The following SLC24A3 variants were observed in gnomAD, a reference collection of about 807,000 sequenced individuals.
SLC24A3 encodes the protein solute carrier family 24 member 3.
SLC24A3 carries 28 observed loss-of-function variants against 75.8 expected under a neutral mutation model. The observed-to-expected ratio is 0.37, with a 90% CI of 0.27 to 0.51. The LOEUF is 0.51. Among genes scored for constraint, SLC24A3 ranks in the 20% least tolerant of loss-of-function variants. The pLI, the probability that SLC24A3 is intolerant of heterozygous loss-of-function variation, is 0.94. For missense variants in SLC24A3, 663 were observed against 847.8 expected (o/e 0.78, Z 2.71); for synonymous variants, 372 against 334.1 (o/e 1.11, Z -1.24).
chr20:19,615,182 A>G (rs987758157), intron 6 of SLC24A3, among the ~76,000 whole-genome samples: 2 of 152,120 alleles, frequency 1.3e-5, no homozygotes, highest in Non-Finnish European at 2.9e-5. Context: ...AAAAATATAT[A>G]TATCATGGAG....
intron 2 of SLC24A3, among the ~76,000 whole-genome samples, chr20:19,348,952 A>T (rs1985500018): frequency 6.6e-6 from 1 of 151,998 alleles, no homozygotes; most frequent in African/African-American, 2.4e-5. Context: ...CTTCCACGTG[A>T]CACCCAGCAT....
At chr20:19,704,077 G>A (rs1181729547) in intron 15 of SLC24A3, among the ~76,000 whole-genome samples, 3 of 152,120 alleles carry the variant, frequency 2.0e-5, no homozygotes, top group Non-Finnish European at 4.4e-5. Context: ...GCTCCTCTAT[G>A]CATTTATTAT....
In SLC24A3 at chr20:19,658,181, A is replaced by G. The variant is rs778135991; in HGVS notation, c.687+4045A>G. On this transcript the variant is annotated intron_variant, in intron 7 of 16. Transcript: ENST00000328041. ...ACCTCAGCAGAGGGGCCCTGGAGACAAACCATGGGGCCTGGAGACCCACAG... is the reference window on the plus strand; with the variant it reads ...ACCTCAGCAGAGGGGCCCTGGAGACGAACCATGGGGCCTGGAGACCCACAG... Among the ~76,000 whole-genome samples the G allele has an allele frequency of 7.2e-5, 11 of 152,164 alleles. 1 individual carries two copies. The highest frequency in any genetic ancestry group is 2.6e-4 in the Admixed American group (4 of 15,278).
At chr20:19,640,108 C>G (rs2032057905) in intron 6 of SLC24A3, among the ~76,000 whole-genome samples, 1 of 152,252 alleles carries the variant, frequency 6.6e-6, no homozygotes, top group Non-Finnish European at 1.5e-5. Flanking sequence ...CTGAAGGGCT[C>G]CTCAAGTGCC....
At chr20:19,666,940 C>A (rs1445119960) in intron 8 of SLC24A3, among the ~76,000 whole-genome samples, 2 of 152,124 alleles carry the variant, frequency 1.3e-5, no homozygotes, top group Admixed American at 1.3e-4. Flanking sequence ...TACATATTTT[C>A]CGAATATTTG....
chr20:19,676,432 T>C (rs1039114399), intron 9 of SLC24A3, among the ~76,000 whole-genome samples: 3 of 152,216 alleles, frequency 2.0e-5, no homozygotes. Context: ...TCTGCATAAA[T>C]TCTGGTCCTA....
chr20:19,394,095 A>G lies in SLC24A3; in HGVS notation c.271+113008A>G, dbSNP rs544400499. Among the ~76,000 whole-genome samples the G allele has an allele frequency of 5.3e-5, 8 of 152,360 alleles. No individual in the cohort carries two copies. In the South Asian group the frequency reaches 8.3e-4, roughly 16 times the overall value. The stretch of plus-strand genomic sequence containing the variant: ...TATTTTCAACAAGAGTTCCAAGACT[A>G]TTCAATGGGGAAAGGACAGTCTCTT... On this transcript the variant is annotated intron_variant, in intron 2 of 16. Transcript: ENST00000328041.
chr20:19,456,038 C>T (rs951020357), intron 2 of SLC24A3, among the ~76,000 whole-genome samples: 2 of 152,180 alleles, frequency 1.3e-5, no homozygotes. Context: ...CCCAGGAAGT[C>T]CTCTGTGCTG....
At chr20:19,624,879 A>C (rs1210616811) in intron 6 of SLC24A3, among the ~76,000 whole-genome samples, 2 of 152,184 alleles carry the variant, frequency 1.3e-5, no homozygotes, top group Admixed American at 6.5e-5. Context: ...AACTATTCCA[A>C]GATTTATTGA....
Position 19,525,169 on chromosome 20 carries a change from G to A in SLC24A3, c.348+9605G>A, listed in dbSNP as rs567752757. On this transcript the variant is annotated intron_variant, in intron 3 of 16. Coordinates refer to ENST00000328041, the MANE Select transcript of SLC24A3 (RefSeq NM_020689.4). ...TATATAGTAGAGACTCCAGATAGGA[G>A]TTTCAAGCTTAAGAAGAATCTGATC... Among the ~76,000 whole-genome samples the A allele has an allele frequency of 1.1e-4, 17 of 152,276 alleles. No homozygotes were observed. The South Asian group carries it at 3.3e-3, about 30-fold the overall frequency.
intron 4 of SLC24A3, among the ~76,000 whole-genome samples, chr20:19,582,151 A>G (rs2031226623): frequency 6.6e-6 from 1 of 152,236 alleles, no homozygotes; most frequent in Admixed American, 6.5e-5. Flanking sequence ...GAGACGTGGA[A>G]TCAGTTCTCC....
chr20:19,630,974 C>T (rs183961179), intron 6 of SLC24A3, among the ~76,000 whole-genome samples: 1 of 152,206 alleles, frequency 6.6e-6, no homozygotes, highest in African/African-American at 2.4e-5. Flanking sequence ...TTAACAACCA[C>T]CCTCATTATG....
At chr20:19,646,839 C>T (rs1399128002) in intron 6 of SLC24A3, among the ~76,000 whole-genome samples, 4 of 94,264 alleles carry the variant, frequency 4.2e-5, no homozygotes, top group Non-Finnish European at 8.8e-5. Flanking sequence ...AATTACAAAA[C>T]TCTGTGTGTG....
chr20:19,703,572 C>T (rs1175943804), intron 15 of SLC24A3, among the ~76,000 whole-genome samples: 6 of 152,150 alleles, frequency 3.9e-5, no homozygotes, highest in Non-Finnish European at 8.8e-5. Context: ...TGGTGGTGAT[C>T]CTGAGTCATT....
chr20:19,634,055 T>C (rs1028634613), intron 6 of SLC24A3, among the ~76,000 whole-genome samples: 3 of 152,240 alleles, frequency 2.0e-5, no homozygotes, highest in Non-Finnish European at 4.4e-5. Context: ...TTCCATTTCT[T>C]TTCAAGTTCC....
intron 2 of SLC24A3, among the ~76,000 whole-genome samples, chr20:19,475,685 A>C (rs1169482160): frequency 6.6e-6 from 1 of 152,224 alleles, no homozygotes; most frequent in African/African-American, 2.4e-5. Context: ...TGCACAACCT[A>C]TATAAAGAAA....
intron 2 of SLC24A3, among the ~76,000 whole-genome samples, chr20:19,483,285 A>T (rs1415327300): frequency 6.6e-6 from 1 of 152,220 alleles, no homozygotes. Flanking sequence ...GCTTCTTAGC[A>T]GATTTTTTAC....
chr20:19,255,900 T>C (rs974229053), intron 1 of SLC24A3, among the ~76,000 whole-genome samples: 2 of 151,910 alleles, frequency 1.3e-5, no homozygotes, highest in Non-Finnish European at 1.5e-5. Context: ...GTTTGAGACA[T>C]CCTGGGCAAC....
intron 3 of SLC24A3, among the ~76,000 whole-genome samples, chr20:19,518,978 G>C (rs967226935): frequency 6.6e-6 from 1 of 152,184 alleles, no homozygotes; most frequent in Admixed American, 6.5e-5. Flanking sequence ...ATCCAGGCAG[G>C]GGAGTGATGG....
Sources: gnomAD v4.1 joint callset for allele counts (sites outside exome capture counted in the v4.1 genomes callset) on GRCh38, gnomAD v4.1.1 for gene constraint, MANE v1.5 for transcripts, NCBI Gene and HGNC (gene_info 2026-07-23, HGNC 2026-07-21) for gene names.